PLA2G10: variants seen among roughly 807,000 people sequenced by gnomAD.
The protein encoded by PLA2G10 is group 10 secretory phospholipase A2.
A neutral mutation model predicts 7.9 loss-of-function variants in PLA2G10; 9 were observed. The observed-to-expected ratio is 1.14, with a 90% CI of 0.68 to 1.98. The LOEUF (loss-of-function observed/expected upper bound fraction) is 1.98, where lower values mean the gene tolerates loss of function less well. PLA2G10 is among the 30% of genes most tolerant of loss of function. PLA2G10 has a pLI of 0.00. For missense variants in PLA2G10, 53 were observed against 65.4 expected, an observed-to-expected ratio of 0.81 and a Z score of 0.66; for synonymous variants, 19 against 27.5, an observed-to-expected ratio of 0.69 and a Z score of 0.97.
chr16:14,683,378 G>C (rs1960948461), intron 3 of PLA2G10, among the ~76,000 whole-genome samples: 2 of 151,648 alleles, frequency 1.3e-5, no homozygotes, highest in Non-Finnish European at 2.9e-5. Flanking sequence ...GACTACAGGA[G>C]CATGCTGCCA....
chr16:14,686,269 C>T (rs1317779212), intron 3 of PLA2G10, among the ~76,000 whole-genome samples: 3 of 151,678 alleles, frequency 2.0e-5, no homozygotes, highest in East Asian at 1.9e-4. Context: ...TGAGCCACAG[C>T]GCCGAGCCTG....
rs547327968 is a variant in PLA2G10 at position 14,676,617 on chromosome 16, T to C, written c.356-3868A>G. Among the ~76,000 whole-genome samples, 58 of 152,244 alleles carry C rather than the reference T, an allele frequency of 3.8e-4. 2 individuals are homozygous for C. In the South Asian group the frequency reaches 0.011, roughly 29 times the overall value. On this transcript the variant is annotated intron_variant, in intron 3 of 3. Transcript: ENST00000438167. Reference sequence around the variant, plus strand: ...TCGCTTGAACCCAGGAGGTGGAGGTTGCAGGGGGCCAAGATCACGCCACTG... The same window carrying C: ...TCGCTTGAACCCAGGAGGTGGAGGTCGCAGGGGGCCAAGATCACGCCACTG...
At chr16:14,680,991 G>A (rs142678081) in intron 3 of PLA2G10, among the ~76,000 whole-genome samples, 6,920 of 151,722 alleles carry the variant, frequency 0.046, 173 homozygotes, top group Non-Finnish European at 0.051. Context: ...ATGAAACCCC[G>A]TCTCTACTAA....
intron 3 of PLA2G10, among the ~76,000 whole-genome samples, chr16:14,674,740 A>G (rs1356528090): frequency 2.6e-5 from 4 of 152,050 alleles, no homozygotes; most frequent in African/African-American, 9.7e-5. Flanking sequence ...AGGCATCACT[A>G]CCCAGCTTCA....
chr16:14,686,736 C>T (rs1961079193), intron 3 of PLA2G10, among the ~76,000 whole-genome samples: 1 of 152,132 alleles, frequency 6.6e-6, no homozygotes, highest in Non-Finnish European at 1.5e-5. Context: ...CTCAAGTGAT[C>T]CACCTGCCTT....
intron 3 of PLA2G10, among the ~76,000 whole-genome samples, 167 bp downstream of exon 3, chr16:14,687,998 C>CA (rs1326290874): frequency 6.7e-5 from 10 of 150,212 alleles, no homozygotes; most frequent in East Asian, 5.9e-4. Flanking sequence ...GACTCTGACT[C>CA]AAAAAATAAA....
At chr16:14,677,982 A>G (rs1182642595) in intron 3 of PLA2G10, among the ~76,000 whole-genome samples, 4 of 152,178 alleles carry the variant, frequency 2.6e-5, no homozygotes, top group Non-Finnish European at 4.4e-5. Flanking sequence ...ATGGCGAGAC[A>G]GATGAATGGA....
intron 3 of PLA2G10, among the ~76,000 whole-genome samples, chr16:14,681,841 C>G (rs920310440): frequency 3.3e-5 from 5 of 151,334 alleles, no homozygotes; most frequent in African/African-American, 4.9e-5. Context: ...ATCATTTTCA[C>G]CTGGGTAGGA....
At chr16:14,686,120 A>G (rs1177120901) in intron 3 of PLA2G10, among the ~76,000 whole-genome samples, 2 of 150,360 alleles carry the variant, frequency 1.3e-5, no homozygotes, top group Admixed American at 6.7e-5. Context: ...CAGCCTCCCA[A>G]GTAGCTGAGA....
intron 3 of PLA2G10, among the ~76,000 whole-genome samples, chr16:14,682,793 G>A (rs1597013078): frequency 6.6e-6 from 1 of 152,120 alleles, no homozygotes; most frequent in Admixed American, 6.6e-5. Flanking sequence ...TCTCAGCTGG[G>A]CATGGTGGCT....
intron 3 of PLA2G10, among the ~76,000 whole-genome samples, chr16:14,673,113 G>A (rs1329348105): frequency 6.7e-6 from 1 of 148,610 alleles, no homozygotes; most frequent in African/African-American, 2.5e-5. Context: ...TCCGCCTCCC[G>A]GGTTCAAGTG....
At position 14,693,309 on chromosome 16, in the gene PLA2G10, CTGTGTGTGTG is replaced by C. The variant is rs1177221583; in HGVS notation, c.97+814_97+823del. Among the ~76,000 whole-genome samples the C allele has an allele frequency of 3.0e-3, 73 of 24,254 alleles. 22 individuals carry two copies. Among genetic ancestry groups the C allele is most frequent in the Non-Finnish European group, 4.6e-3 (50 of 10,766 alleles). 15.9% of individuals were successfully genotyped at this position (24,254 alleles called of 152,430 possible). ...CGCACATATGTGTGTCTGTGCTGCT[CTGTGTGTGTG>C]TGTGTGTGTGTGTGTGTGTGTGTGT... is the stretch of plus-strand genomic sequence containing the variant. On this transcript the variant is annotated intron_variant, in intron 1 of 3. Transcript: ENST00000438167.
At chr16:14,679,761 G>A (rs542617218) in intron 3 of PLA2G10, among the ~76,000 whole-genome samples, 20 of 152,124 alleles carry the variant, frequency 1.3e-4, no homozygotes, top group African/African-American at 4.8e-4. Flanking sequence ...TGAGGCAGGA[G>A]AATCCCTTAA....
At chr16:14,682,687 G>T (rs1016116793) in intron 3 of PLA2G10, among the ~76,000 whole-genome samples, 1 of 152,220 alleles carries the variant, frequency 6.6e-6, no homozygotes, top group African/African-American at 2.4e-5. Context: ...AGTTGGAACA[G>T]ATCTTTGATT....
chr16:14,687,548 C>T (rs957372095), intron 3 of PLA2G10, among the ~76,000 whole-genome samples: 5 of 151,970 alleles, frequency 3.3e-5, no homozygotes, highest in South Asian at 2.1e-4. Context: ...TGGCCTCAAG[C>T]GATCCTCCTT....
chr16:14,678,639 A>G, intron 3 of PLA2G10: 1 of 328,524 alleles, frequency 3.0e-6, no homozygotes, highest in South Asian at 2.3e-5. Context: ...GCATGGTGGC[A>G]CATACCTGTG....
intron 3 of PLA2G10, chr16:14,678,677 C>T (rs749087146): frequency 3.4e-5 from 13 of 384,576 alleles, no homozygotes; most frequent in Non-Finnish European, 5.7e-5. Context: ...GGCTGAGGTG[C>T]GAGGATCGCT....
In PLA2G10 at chr16:14,672,722, A is replaced by T. The variant is rs1316344101; in HGVS notation, c.383T>A (p.Leu128Gln). 1.2e-6 allele frequency: 2 copies of T among 1,613,910 alleles called. No homozygotes were observed. The highest frequency in any genetic ancestry group is 1.7e-6 in the Non-Finnish European group (2 of 1,179,936). Reference sequence around the variant, plus strand: ...AATCTCCTGGTCACACTTGCACAACAGTTCTTGGCATTTGTTCTCTGCCGG... The same window carrying T: ...AATCTCCTGGTCACACTTGCACAACTGTTCTTGGCATTTGTTCTCTGCCGG... ...CGPAENKCQE[L>Q]LCKCDQEIAN... Residue 128 changes from leucine (L) to glutamine (Q), a missense_variant, in exon 4 of 4, where the codon CTG becomes CAG. Coordinates refer to ENST00000438167, the MANE Select transcript of PLA2G10 (RefSeq NM_003561.3).
chr16:14,686,788 C>A (rs184099461), intron 3 of PLA2G10, among the ~76,000 whole-genome samples: 142 of 152,260 alleles, frequency 9.3e-4, no homozygotes, highest in African/African-American at 3.4e-3. Context: ...AGCCACAGCA[C>A]CCGGCCCAAA....
Sources: gnomAD v4.1 joint callset for allele counts (sites outside exome capture counted in the v4.1 genomes callset) on GRCh38, gnomAD v4.1.1 for gene constraint, MANE v1.5 for transcripts, NCBI Gene and HGNC (gene_info 2026-07-23, HGNC 2026-07-21) for gene names.